Variants in PEX3 observed in about 807,000 individuals in gnomAD.
PEX3 encodes peroxin-3.
In PEX3, 30 loss-of-function variants were observed where a neutral mutation model predicts 55.8. The ratio of observed to expected loss-of-function variants is 0.54; its 90% CI spans 0.40 to 0.73. The LOEUF (loss-of-function observed/expected upper bound fraction) is 0.73, where lower values mean the gene tolerates loss of function less well. Among genes scored for constraint, PEX3 ranks in the 30% least tolerant of loss-of-function variants. The pLI is 0.00. For missense variants in PEX3, 351 were observed against 432.8 expected, an observed-to-expected ratio of 0.81 and a Z score of 1.68; for synonymous variants, 135 against 148.4, an observed-to-expected ratio of 0.91 and a Z score of 0.66.
intron 9 of PEX3, among the ~76,000 whole-genome samples, chr6:143,477,046 G>C (rs757175007): frequency 1.3e-5 from 2 of 152,164 alleles, no homozygotes; most frequent in Non-Finnish European, 2.9e-5. Flanking sequence ...TGGGTCTAAT[G>C]CTCCTGAAAG....
At position 143,462,896 on chromosome 6, in the gene PEX3, T is replaced by G. The variant is rs749141895; in HGVS notation, c.206-20T>G. On this transcript the variant is annotated intron_variant, in intron 2 of 11. Transcript: ENST00000367591. The surrounding 1 kb of genome is among the most constrained non-coding windows in gnomAD (Gnocchi z 4.1). ...TCATATCACTTGTGACCTTTTTTAT[T>G]TTTTTTGTTTGTATTACAGTGCTGT... is the stretch of plus-strand genomic sequence containing the variant. The G allele has an allele frequency of 1.4e-6, 2 of 1,459,294 alleles. No individual in the cohort carries two copies. Among genetic ancestry groups the G allele is most frequent in the Admixed American group, 4.4e-5 (2 of 45,828 alleles). The allele number at this position is 1,459,294 out of a possible 1,614,324, so 90.4% of individuals were successfully genotyped here. A position where few individuals can be genotyped will look rare whatever the true frequency, so the allele number is the denominator to read the frequency against.
At chr6:143,467,342 G>A (rs1355824799) in intron 3 of PEX3, among the ~76,000 whole-genome samples, 2 of 151,958 alleles carry the variant, frequency 1.3e-5, no homozygotes, top group Admixed American at 6.6e-5. Flanking sequence ...AATTCATGAT[G>A]TATATTACCT....
Position 143,471,716 on chromosome 6 carries a change from A to G in PEX3, c.578+105A>G. 1.2e-6 allele frequency: 1 copy of G among 837,900 alleles called. No individual in the cohort carries two copies. Among genetic ancestry groups the G allele is most frequent in the South Asian group, 1.4e-5 (1 of 73,462 alleles). 51.9% of individuals were successfully genotyped at this position (837,900 alleles called of 1,614,324 possible). On this transcript the variant is annotated intron_variant, in intron 7 of 11. Transcript: ENST00000367591. The surrounding 1 kb of genome is among the most constrained non-coding windows in gnomAD (Gnocchi z 5.4). ...GTGACTTGACAAACGGTGATTTGTGAAACTCTTTGTAATAAAATCAGATAC... is the reference window on the plus strand; with the variant it reads ...GTGACTTGACAAACGGTGATTTGTGGAACTCTTTGTAATAAAATCAGATAC...
intron 1 of PEX3, among the ~76,000 whole-genome samples, chr6:143,457,398 C>T (rs1779861642): frequency 6.6e-6 from 1 of 152,162 alleles, no homozygotes; most frequent in South Asian, 2.1e-4. Context: ...AACATAGCAA[C>T]AGCAATCATA....
Position 143,454,299 on chromosome 6 carries a change from GT to G in PEX3, c.73+3188del, listed in dbSNP as rs1779813943. On this transcript the variant is annotated intron_variant, in intron 1 of 11. Transcript: ENST00000367591. This position sits in a 1 kb window ranked among gnomAD's most constrained non-coding sequence, Gnocchi z 4.3. The stretch of plus-strand genomic sequence containing the variant: ...ACATTTTAGTATTATTACGAAAACA[GT>G]TTTGATTTTATAGACTCCCTGAAAT... 6.6e-6 allele frequency among the ~76,000 whole-genome samples: 1 copy of G among 152,156 alleles called. No homozygotes were observed. The highest frequency in any genetic ancestry group is 2.4e-5 in the African/African-American group (1 of 41,436).
chr6:143,451,145 T>C lies in PEX3; in HGVS notation c.73+30T>C. On this transcript the variant is annotated intron_variant, in intron 1 of 11. Transcript: ENST00000367591. This position sits in a 1 kb window ranked among gnomAD's most constrained non-coding sequence, Gnocchi z 4.1. ...GTGACAACGTGCTTGAAAGGGGGCA[T>C]TGGGAGAAGGGGGTGGGAGAGGTGA... 6.8e-7 allele frequency: 1 copy of C among 1,462,724 alleles called. No homozygotes were observed. Among genetic ancestry groups the C allele is most frequent in the Non-Finnish European group, 9.6e-7 (1 of 1,041,754 alleles). The allele number at this position is 1,462,724 out of a possible 1,614,324, so 90.6% of individuals were successfully genotyped here.
chr6:143,456,262 C>T (rs986796083), intron 1 of PEX3, among the ~76,000 whole-genome samples: 1 of 152,170 alleles, frequency 6.6e-6, no homozygotes, highest in South Asian at 2.1e-4. Context: ...GTTTTCCAGG[C>T]TAGGCTGCCA....
rs544142996 is a variant in PEX3 at position 143,465,572 on chromosome 6, A to G, written c.288-2550A>G. On this transcript the variant is annotated intron_variant, in intron 3 of 11. Coordinates refer to ENST00000367591, the MANE Select transcript of PEX3 (RefSeq NM_003630.3). This position sits in a 1 kb window ranked among gnomAD's most constrained non-coding sequence, Gnocchi z 4.7. ...TTATCTTTTTTCTTTTAGAATTTTT[A>G]TAAGAAGTACTTAGAAATTTTTCTG... is the stretch of plus-strand genomic sequence containing the variant. 6.6e-6 allele frequency among the ~76,000 whole-genome samples: 1 copy of G among 152,052 alleles called. No homozygotes were observed. Among genetic ancestry groups the G allele is most frequent in the South Asian group, 2.1e-4 (1 of 4,826 alleles).
Position 143,458,353 on chromosome 6 carries a change from C to G in PEX3, c.74-732C>G, listed in dbSNP as rs146383202. 1.9e-3 allele frequency among the ~76,000 whole-genome samples: 296 copies of G among 151,944 alleles called. 1 individual carries two copies. Among genetic ancestry groups the G allele is most frequent in the African/African-American group, 6.8e-3 (282 of 41,470 alleles). ...TGTACCCTCTTCCCTCTTTTTTTTCCAGTTAAGTTACTAATTTTTAGATGA... is the reference window on the plus strand; with the variant it reads ...TGTACCCTCTTCCCTCTTTTTTTTCGAGTTAAGTTACTAATTTTTAGATGA... On this transcript the variant is annotated intron_variant, in intron 1 of 11. Transcript: ENST00000367591. This position sits in a 1 kb window ranked among gnomAD's most constrained non-coding sequence, Gnocchi z 6.1.
rs2128745787 is a variant in PEX3 at position 143,462,281 on chromosome 6, TTTTA to T, written c.206-629_206-626del. Among the ~76,000 whole-genome samples, 1 of 152,300 alleles carries T rather than the reference TTTTA, an allele frequency of 6.6e-6. No homozygotes were observed. The highest frequency in any genetic ancestry group is 1.5e-5 in the Non-Finnish European group (1 of 68,020). On this transcript the variant is annotated intron_variant, in intron 2 of 11. Transcript: ENST00000367591. The surrounding 1 kb of genome is among the most constrained non-coding windows in gnomAD (Gnocchi z 4.1). ...ACTTTTAGTTTCTAACCCAGTGCAC[TTTTA>T]TTTATGTTATAATAAATGTTTATTG...
At position 143,488,956 on chromosome 6, in the gene PEX3, T is replaced by C. The variant is rs1312718019; in HGVS notation, c.1039-187T>C. Among the ~76,000 whole-genome samples, 1 of 152,114 alleles carries C rather than the reference T, an allele frequency of 6.6e-6. No individual in the cohort carries two copies. Among genetic ancestry groups the C allele is most frequent in the Non-Finnish European group, 1.5e-5 (1 of 67,962 alleles). On this transcript the variant is annotated intron_variant, in intron 11 of 11. Coordinates refer to ENST00000367591, the MANE Select transcript of PEX3 (RefSeq NM_003630.3). The surrounding 1 kb of genome is among the most constrained non-coding windows in gnomAD (Gnocchi z 4.9). Reference sequence around the variant, plus strand: ...ACGCTTATGATACCATCATCCCTCATATAAGAACCTAAATAATAACTATCT... The same window carrying C: ...ACGCTTATGATACCATCATCCCTCACATAAGAACCTAAATAATAACTATCT...
At chr6:143,452,912 T>G (rs1244328889) in intron 1 of PEX3, among the ~76,000 whole-genome samples, 1 of 152,226 alleles carries the variant, frequency 6.6e-6, no homozygotes, top group Non-Finnish European at 1.5e-5. Flanking sequence ...GGGTGCCCAC[T>G]TTACGCTGGG....
rs934442149 is a variant in PEX3, at chr6:143,463,439, T to G, written c.287+442T>G. Among the ~76,000 whole-genome samples the G allele has an allele frequency of 6.6e-6, 1 of 152,186 alleles. No homozygotes were observed. Among genetic ancestry groups the G allele is most frequent in the Admixed American group, 6.5e-5 (1 of 15,272 alleles). On this transcript the variant is annotated intron_variant, in intron 3 of 11. Transcript: ENST00000367591. The surrounding 1 kb of genome is among the most constrained non-coding windows in gnomAD (Gnocchi z 5.7). The stretch of plus-strand genomic sequence containing the variant: ...CTTATATCTTAAATTACTAACAAAA[T>G]GAAATACAAACATAACATGAGCATG...
At chr6:143,474,920 T>G in intron 9 of PEX3, 64 bp downstream of exon 9, 1 of 878,498 alleles carries the variant, frequency 1.1e-6, no homozygotes, top group Non-Finnish European at 1.9e-6. Flanking sequence ...AGACTATTTT[T>G]TAGTTTTTCT....
Position 143,483,450 on chromosome 6 carries a change from A to G in PEX3, c.942-1702A>G, listed in dbSNP as rs1169090107. Among the ~76,000 whole-genome samples the G allele has an allele frequency of 6.6e-6, 1 of 152,204 alleles. No individual in the cohort carries two copies. The highest frequency in any genetic ancestry group is 1.5e-5 in the Non-Finnish European group (1 of 68,026). The stretch of plus-strand genomic sequence containing the variant: ...ATATGACCCTAGACTACAGTGGGAC[A>G]GTTGACATTCTGGGCAGAAGCTACA... On this transcript the variant is annotated intron_variant, in intron 10 of 11. Coordinates refer to ENST00000367591, the MANE Select transcript of PEX3 (RefSeq NM_003630.3). The surrounding 1 kb of genome is among the most constrained non-coding windows in gnomAD (Gnocchi z 4.3).
chr6:143,474,158 T>TA (rs765032245), intron 8 of PEX3, among the ~76,000 whole-genome samples: 107 of 149,290 alleles, frequency 7.2e-4, no homozygotes, highest in East Asian at 5.1e-3. Context: ...AAAATTAAAT[T>TA]AAAAAAAAAG....
chr6:143,473,025 C>T (rs1305799760), intron 8 of PEX3, among the ~76,000 whole-genome samples: 3 of 152,094 alleles, frequency 2.0e-5, no homozygotes, highest in Non-Finnish European at 2.9e-5. Context: ...AGTAATTTTT[C>T]GTTTGTCTGC....
Position 143,459,379 on chromosome 6 carries a change from A to G in PEX3, c.205+163A>G, listed in dbSNP as rs1423127225. Among the ~76,000 whole-genome samples, 1 of 152,256 alleles carries G rather than the reference A, an allele frequency of 6.6e-6. No homozygotes were observed. Among genetic ancestry groups the G allele is most frequent in the Non-Finnish European group, 1.5e-5 (1 of 68,050 alleles). ...TTACATCATTTTAATGTGAATTTTA[A>G]AAATCAGTTCATTCATTTTATTTAT... On this transcript the variant is annotated intron_variant, in intron 2 of 11. Coordinates refer to ENST00000367591, the MANE Select transcript of PEX3 (RefSeq NM_003630.3). The surrounding 1 kb of genome is among the most constrained non-coding windows in gnomAD (Gnocchi z 4.2).
chr6:143,474,941 G>A, intron 9 of PEX3, 85 bp downstream of exon 9: 3 of 773,842 alleles, frequency 3.9e-6, no homozygotes, highest in South Asian at 2.7e-5. Context: ...TGAACAACAT[G>A]GTCGGTATAA....
Sources: gnomAD v4.1 joint callset for allele counts (sites outside exome capture counted in the v4.1 genomes callset) on GRCh38, gnomAD v4.1.1 for gene constraint, Gnocchi (gnomAD v3.1) non-coding constraint, MANE v1.5 for transcripts, NCBI Gene and HGNC (gene_info 2026-07-23, HGNC 2026-07-21) for gene names.